GRIK2: variants seen among roughly 807,000 people sequenced by gnomAD.
GRIK2 encodes glutamate ionotropic receptor kainate type subunit 2.
A neutral mutation model predicts 100.3 loss-of-function variants in GRIK2; 32 were observed. The observed-to-expected ratio is 0.32, with a 90% confidence interval of 0.24 to 0.43. GRIK2 has a LOEUF of 0.43. Ranked by LOEUF, GRIK2 falls within the 20% of genes least tolerant of loss-of-function variation. The probability of loss-of-function intolerance (pLI) is 1.00; values close to 1 mark genes in which losing one functional copy is unlikely to be tolerated. For synonymous variants in GRIK2, 417 were observed against 389.4 expected (o/e 1.07, Z -0.83); for missense variants, 843 against 1,114.9 (o/e 0.76, Z 3.47).
chr6:101,634,887 T>C (rs147447214), intron 4 of GRIK2, among the ~76,000 whole-genome samples: 214 of 152,178 alleles, frequency 1.4e-3, no homozygotes, highest in African/African-American at 4.9e-3. Flanking sequence ...TACTTATAGA[T>C]TGCTTTAGAT....
At chr6:101,487,479 A>G (rs368992862) in intron 2 of GRIK2, among the ~76,000 whole-genome samples, 1 of 146,698 alleles carries the variant, frequency 6.8e-6, no homozygotes, top group East Asian at 1.9e-4. Context: ...GGAAGTCATT[A>G]TTTTTCACTT....
At chr6:101,801,639 GACAA>G (rs1379893384) in intron 8 of GRIK2, among the ~76,000 whole-genome samples, 3 of 151,760 alleles carry the variant, frequency 2.0e-5, no homozygotes, top group Non-Finnish European at 2.9e-5. Context: ...ATTTCCAAAT[GACAA>G]ACAATGGAAA....
intron 14 of GRIK2, chr6:101,993,496 T>C (rs1395096120): frequency 2.0e-5 from 3 of 151,290 alleles, no homozygotes; most frequent in Non-Finnish European, 4.4e-5. Context: ...TCAAAGATGA[T>C]AAAATATGTA....
At chr6:101,939,875 T>A (rs963742657) in intron 14 of GRIK2, among the ~76,000 whole-genome samples, 3 of 152,082 alleles carry the variant, frequency 2.0e-5, no homozygotes, top group Non-Finnish European at 4.4e-5. Context: ...CCAAGATGGT[T>A]ATGACTGAGT....
intron 2 of GRIK2, among the ~76,000 whole-genome samples, chr6:101,567,560 C>T (rs1239719180): frequency 6.6e-6 from 1 of 151,956 alleles, no homozygotes; most frequent in Non-Finnish European, 1.5e-5. Flanking sequence ...AATGGAATAA[C>T]ATCCTGTTTC....
intron 10 of GRIK2, among the ~76,000 whole-genome samples, chr6:101,834,994 C>T (rs1310351394): frequency 6.6e-6 from 1 of 152,032 alleles, no homozygotes. Flanking sequence ...CATAGTGAGA[C>T]CCTGTCTCTA....
intron 14 of GRIK2, among the ~76,000 whole-genome samples, chr6:101,988,930 T>A (rs1322652613): frequency 5.3e-5 from 8 of 151,924 alleles, no homozygotes. Context: ...TGATAAAGTC[T>A]CAATAAAGAG....
chr6:101,851,020 G>C (rs999240331), intron 10 of GRIK2, among the ~76,000 whole-genome samples: 2 of 152,014 alleles, frequency 1.3e-5, no homozygotes, highest in Non-Finnish European at 2.9e-5. Flanking sequence ...CTGGAGATAG[G>C]AATCAAAGCA....
intron 14 of GRIK2, among the ~76,000 whole-genome samples, chr6:102,007,460 A>T (rs1335635430): frequency 6.6e-6 from 1 of 152,138 alleles, no homozygotes; most frequent in Non-Finnish European, 1.5e-5. Flanking sequence ...TCACTTTGTG[A>T]CAGTACTCAT....
At chr6:101,418,069 A>C (rs963635413) in intron 2 of GRIK2, among the ~76,000 whole-genome samples, 1 of 152,226 alleles carries the variant, frequency 6.6e-6, no homozygotes, top group African/African-American at 2.4e-5. Context: ...ATACAAATTC[A>C]GCCCTAGGCT....
At chr6:101,937,692 A>T (rs1790701806) in intron 14 of GRIK2, among the ~76,000 whole-genome samples, 1 of 151,878 alleles carries the variant, frequency 6.6e-6, no homozygotes, top group Non-Finnish European at 1.5e-5. Flanking sequence ...AAACAAAAAA[A>T]CCCAGACTCT....
intron 2 of GRIK2, among the ~76,000 whole-genome samples, chr6:101,467,267 G>T (rs927112520): frequency 6.6e-6 from 1 of 152,112 alleles, no homozygotes; most frequent in African/African-American, 2.4e-5. Flanking sequence ...AAAAAGCCAA[G>T]AATTCATTTG....
At chr6:101,873,133 A>C (rs990974093) in intron 11 of GRIK2, among the ~76,000 whole-genome samples, 26 of 152,038 alleles carry the variant, frequency 1.7e-4, no homozygotes, top group African/African-American at 6.0e-4. Context: ...TCTAGGGTAC[A>C]TGTGCACAAC....
At chr6:102,031,216 T>C (rs1276810330) in intron 14 of GRIK2, among the ~76,000 whole-genome samples, 1 of 150,944 alleles carries the variant, frequency 6.6e-6, no homozygotes, top group African/African-American at 2.4e-5. Flanking sequence ...TATGTGCTTC[T>C]AAATGGTCTT....
chr6:101,793,095 A>T (rs1377756458), intron 7 of GRIK2, among the ~76,000 whole-genome samples: 1 of 152,008 alleles, frequency 6.6e-6, no homozygotes, highest in African/African-American at 2.4e-5. Flanking sequence ...TGTTTATTCT[A>T]TTTATACATT....
intron 2 of GRIK2, among the ~76,000 whole-genome samples, chr6:101,541,830 T>C (rs1460394663): frequency 2.6e-5 from 4 of 152,084 alleles, no homozygotes; most frequent in Admixed American, 2.6e-4. Flanking sequence ...CTTTTTCTTA[T>C]TCCCTCTTTC....
intron 2 of GRIK2, among the ~76,000 whole-genome samples, chr6:101,421,441 T>G (rs59361029): frequency 0.026 from 4,009 of 152,264 alleles, 197 homozygotes; most frequent in African/African-American, 0.092. Flanking sequence ...GACCTTCCAG[T>G]TGTCTGCGTC....
chr6:101,526,151 C>T (rs1775144909), intron 2 of GRIK2, among the ~76,000 whole-genome samples: 1 of 152,116 alleles, frequency 6.6e-6, no homozygotes, highest in African/African-American at 2.4e-5. Flanking sequence ...GTGTGTTATC[C>T]TTCACAATCA....
At chr6:101,924,287 A>G (rs1030245414) in intron 12 of GRIK2, among the ~76,000 whole-genome samples, 4 of 152,144 alleles carry the variant, frequency 2.6e-5, no homozygotes, top group East Asian at 1.9e-4. Flanking sequence ...CTAGCTTTCA[A>G]ATTTTTATAA....
Sources: gnomAD v4.1 joint callset for allele counts (sites outside exome capture counted in the v4.1 genomes callset) on GRCh38, gnomAD v4.1.1 for gene constraint, MANE v1.5 for transcripts, NCBI Gene and HGNC (gene_info 2026-07-23, HGNC 2026-07-21) for gene names.